CCSER1: variants seen among roughly 807,000 people sequenced by gnomAD.
CCSER1 encodes the protein coiled-coil serine rich protein 1.
In CCSER1, 41 loss-of-function variants were observed where a neutral mutation model predicts 82.0. That is an observed-to-expected ratio of 0.50 (90% CI 0.39 to 0.65). The LOEUF (loss-of-function observed/expected upper bound fraction) is 0.65, where lower values mean the gene tolerates loss of function less well. Ranked by LOEUF, CCSER1 falls within the 30% of genes least tolerant of loss-of-function variation. CCSER1 has a pLI of 0.00. For missense variants in CCSER1, 1,119 were observed against 1,064.2 expected (o/e 1.05, Z -0.72); for synonymous variants, 414 against 383.9 (o/e 1.08, Z -0.92).
chr4:90,612,639 A>G (rs1047854846), intron 5 of CCSER1, among the ~76,000 whole-genome samples: 8 of 152,112 alleles, frequency 5.3e-5, no homozygotes, highest in Non-Finnish European at 1.0e-4. Context: ...TAGCTTATGT[A>G]TTTTTGCTTC....
chr4:90,614,538 C>T (rs1720849711), intron 5 of CCSER1, among the ~76,000 whole-genome samples: 1 of 152,160 alleles, frequency 6.6e-6, no homozygotes, highest in African/African-American at 2.4e-5. Flanking sequence ...GAAAATAAAA[C>T]AGCCTTGTTG....
intron 8 of CCSER1, among the ~76,000 whole-genome samples, chr4:90,850,775 T>C (rs1248433942): frequency 6.6e-6 from 1 of 152,216 alleles, no homozygotes; most frequent in African/African-American, 2.4e-5. Context: ...CTTGGACTTT[T>C]GGGTTAATGC....
At chr4:90,786,366 A>G (rs17186550) in intron 7 of CCSER1, among the ~76,000 whole-genome samples, 1 of 151,936 alleles carries the variant, frequency 6.6e-6, no homozygotes, top group Non-Finnish European at 1.5e-5. Flanking sequence ...GAACACAGTA[A>G]TACTCAGAAA....
intron 5 of CCSER1, among the ~76,000 whole-genome samples, chr4:90,612,482 T>G (rs1368972989): frequency 6.6e-6 from 1 of 152,086 alleles, no homozygotes; most frequent in Non-Finnish European, 1.5e-5. Context: ...ACTTAGGCAG[T>G]ATAAGATAAA....
chr4:91,274,176 T>C (rs887895325), intron 10 of CCSER1, among the ~76,000 whole-genome samples: 4 of 152,180 alleles, frequency 2.6e-5, no homozygotes, highest in Admixed American at 6.5e-5. Context: ...ATGTGATGAC[T>C]TTTTAATTTT....
intron 10 of CCSER1, among the ~76,000 whole-genome samples, chr4:91,207,521 G>A (rs1157496628): frequency 2.0e-5 from 3 of 151,714 alleles, no homozygotes; most frequent in Admixed American, 2.0e-4. Flanking sequence ...AAGGATAATG[G>A]CCTCCAGTTC....
At chr4:90,911,352 T>C in intron 8 of CCSER1, 1 of 456,126 alleles carries the variant, frequency 2.2e-6, no homozygotes, top group South Asian at 1.6e-5. Context: ...CATGCCCCCA[T>C]TAAAGGTGGG....
At chr4:91,081,555 C>G (rs912944897) in intron 9 of CCSER1, among the ~76,000 whole-genome samples, 3 of 152,116 alleles carry the variant, frequency 2.0e-5, no homozygotes. Context: ...GTTGGAAGTT[C>G]TGGCCAGGGC....
chr4:90,518,014 AT>A (rs1442548488), intron 5 of CCSER1, among the ~76,000 whole-genome samples: 1 of 152,072 alleles, frequency 6.6e-6, no homozygotes, highest in African/African-American at 2.4e-5. Context: ...AAAAAACATA[AT>A]ATGAATAAGG....
At chr4:90,152,408 T>C (rs571126777) in intron 1 of CCSER1, among the ~76,000 whole-genome samples, 1 of 152,264 alleles carries the variant, frequency 6.6e-6, no homozygotes, top group African/African-American at 2.4e-5. Flanking sequence ...CCAAGGTTCA[T>C]CCCTGGAGCT....
chr4:90,902,136 AT>A (rs368200834), intron 8 of CCSER1, among the ~76,000 whole-genome samples: 52 of 149,128 alleles, frequency 3.5e-4, no homozygotes, highest in African/African-American at 9.6e-4. Flanking sequence ...TATAAGTTCT[AT>A]TTTTTTTATT....
At chr4:90,423,826 G>A (rs914534247) in intron 4 of CCSER1, among the ~76,000 whole-genome samples, 7 of 151,610 alleles carry the variant, frequency 4.6e-5, no homozygotes, top group African/African-American at 1.7e-4. Context: ...ATATTGGGCT[G>A]GGCGTGGTGG....
intron 10 of CCSER1, among the ~76,000 whole-genome samples, chr4:91,427,209 G>A (rs1754037477): frequency 6.6e-6 from 1 of 152,110 alleles, no homozygotes; most frequent in South Asian, 2.1e-4. Context: ...ACACTTTAAA[G>A]TAGCACTTTT....
intron 9 of CCSER1, among the ~76,000 whole-genome samples, chr4:90,995,828 C>A (rs747292091): frequency 6.6e-5 from 10 of 151,982 alleles, no homozygotes; most frequent in Non-Finnish European, 1.3e-4. Flanking sequence ...TGTGGACTCA[C>A]AACTGGTCCT....
chr4:90,858,578 TG>T (rs1434487249), intron 8 of CCSER1, among the ~76,000 whole-genome samples: 6 of 151,966 alleles, frequency 3.9e-5, no homozygotes, highest in African/African-American at 1.4e-4. Context: ...ATTATTAATA[TG>T]GAGAATAAAT....
At chr4:91,066,652 G>A (rs2148753771) in intron 9 of CCSER1, among the ~76,000 whole-genome samples, 2 of 152,130 alleles carry the variant, frequency 1.3e-5, no homozygotes, top group East Asian at 3.9e-4. Context: ...TATATAATAG[G>A]GACCTTTACC....
chr4:90,385,506 C>T (rs1314195172), intron 3 of CCSER1, among the ~76,000 whole-genome samples: 1 of 148,276 alleles, frequency 6.7e-6, no homozygotes, highest in Non-Finnish European at 1.5e-5. Flanking sequence ...GTCGCCCAGG[C>T]TGGAGTGCAG....
At chr4:90,803,962 G>T (rs1757169976) in intron 7 of CCSER1, among the ~76,000 whole-genome samples, 1 of 152,190 alleles carries the variant, frequency 6.6e-6, no homozygotes, top group Non-Finnish European at 1.5e-5. Flanking sequence ...CTGATGACCA[G>T]TGATGATGAT....
chr4:91,468,046 T>A (rs541829332), intron 10 of CCSER1, among the ~76,000 whole-genome samples: 7 of 152,228 alleles, frequency 4.6e-5, no homozygotes, highest in African/African-American at 1.4e-4. Context: ...TAAAGACACA[T>A]ACACACATAT....
Sources: gnomAD v4.1 joint callset for allele counts (sites outside exome capture counted in the v4.1 genomes callset) on GRCh38, gnomAD v4.1.1 for gene constraint, MANE v1.5 for transcripts, NCBI Gene and HGNC (gene_info 2026-07-23, HGNC 2026-07-21) for gene names.